The following TMEM63C variants were observed in gnomAD, a reference collection of about 807,000 sequenced individuals.
The protein encoded by TMEM63C is osmosensitive cation channel TMEM63C.
Under a neutral mutation model 99.2 loss-of-function variants are expected in TMEM63C, and 32 were observed. That is an observed-to-expected ratio of 0.32 (90% CI 0.24 to 0.43). TMEM63C has a LOEUF of 0.43. Ranked by LOEUF, TMEM63C falls within the 20% of genes least tolerant of loss-of-function variation. TMEM63C has a pLI of 1.00. For missense variants in TMEM63C, 826 were observed against 1,053.0 expected (o/e 0.78, Z 2.98); for synonymous variants, 376 against 397.9 (o/e 0.94, Z 0.66).
chr14:77,232,576 C>G (rs1315091118), intron 7 of TMEM63C, among the ~76,000 whole-genome samples: 1 of 152,222 alleles, frequency 6.6e-6, no homozygotes, highest in Non-Finnish European at 1.5e-5. Context: ...GCATGAGCCA[C>G]CGCACCTGGC....
chr14:77,228,155 A>G (rs1486123638), intron 6 of TMEM63C, among the ~76,000 whole-genome samples: 2 of 152,114 alleles, frequency 1.3e-5, no homozygotes, highest in Non-Finnish European at 2.9e-5. Flanking sequence ...GTGAGTAGGA[A>G]GAAGGGCGAT....
intron 1 of TMEM63C, among the ~76,000 whole-genome samples, chr14:77,208,002 A>G (rs778384790): frequency 2.0e-5 from 3 of 152,146 alleles, no homozygotes; most frequent in African/African-American, 4.8e-5. Flanking sequence ...CTCAGGCCCT[A>G]ACTTCACGGT....
intron 3 of TMEM63C, 59 bp from the exon 4 acceptor site, chr14:77,219,439 A>G: frequency 6.3e-7 from 1 of 1,582,642 alleles, no homozygotes; most frequent in Non-Finnish European, 8.7e-7. Context: ...GCAGGGGGCC[A>G]GCCAAGGGGA....
At chr14:77,255,520 T>C (rs1427855454) in intron 23 of TMEM63C, among the ~76,000 whole-genome samples, 1 of 152,230 alleles carries the variant, frequency 6.6e-6, no homozygotes, top group African/African-American at 2.4e-5. Context: ...TCCTGCAGAA[T>C]GTTCCACCTG....
intron 2 of TMEM63C, 76 bp from the exon 3 acceptor site, chr14:77,218,725 C>T: frequency 1.3e-6 from 2 of 1,498,466 alleles, no homozygotes; most frequent in Non-Finnish European, 1.8e-6. Context: ...CATCCCACAA[C>T]TCCCCATCGG....
chr14:77,239,663 G>A lies in TMEM63C; in HGVS notation c.867G>A (p.Val289=), dbSNP rs1455716249. ...YTAKAKKTGK[V]MIRIHPCARL... is the part of the protein sequence containing the mutation. Reference sequence around the variant, plus strand: ...CCAAGGCCAAGAAGACTGGGAAGGTGATGATCAGGATCCACCCCTGTGCCC... The same window carrying A: ...CCAAGGCCAAGAAGACTGGGAAGGTAATGATCAGGATCCACCCCTGTGCCC... Residue 289 remains valine, a synonymous_variant, in exon 12 of 24, where the codon GTG becomes GTA. Coordinates refer to ENST00000298351, the MANE Select transcript of TMEM63C (RefSeq NM_020431.4). 6.2e-7 allele frequency: 1 copy of A among 1,612,954 alleles called. No individual in the cohort carries two copies. Among genetic ancestry groups the A allele is most frequent in the South Asian group, 1.1e-5 (1 of 90,884 alleles).
rs574289980 is a variant in TMEM63C at position 77,251,701 on chromosome 14, G to A, written c.2039-88G>A. On this transcript the variant is annotated intron_variant, in intron 21 of 23. Coordinates refer to ENST00000298351, the MANE Select transcript of TMEM63C (RefSeq NM_020431.4). ...CTGGCAAGGTCAAAGCCCTTGCAGT[G>A]GTGCTGTGACGGTCCCTGGCATCTG... is the stretch of plus-strand genomic sequence containing the variant. The A allele has an allele frequency of 2.9e-5, 30 of 1,023,508 alleles. No homozygotes were observed. In the African/African-American group the frequency reaches 3.3e-4, roughly 11 times the overall value. The allele number at this position is 1,023,508 out of a possible 1,614,324, so 63.4% of individuals were successfully genotyped here.
At chr14:77,225,331 C>T in intron 5 of TMEM63C, 93 bp from the exon 6 acceptor site, 1 of 1,213,464 alleles carries the variant, frequency 8.2e-7, no homozygotes, top group Non-Finnish European at 1.2e-6. Context: ...GCTGCCGCGG[C>T]TGCCTCAGAT....
At position 77,253,651 on chromosome 14, in the gene TMEM63C, C is replaced by G. The variant is rs1889412128; in HGVS notation, c.2220+275C>G. Among the ~76,000 whole-genome samples, 4 of 152,310 alleles carry G rather than the reference C, an allele frequency of 2.6e-5. No individual in the cohort carries two copies. The South Asian group carries it at 8.3e-4, about 32-fold the overall frequency. ...AGAGGAAGTACTTGGTCAGGGAGGC[C>G]GAGACCACAGCGACCTCGGTCATGT... On this transcript the variant is annotated intron_variant, in intron 23 of 23. Transcript: ENST00000298351.
At chr14:77,223,017 G>A (rs28505186) in intron 5 of TMEM63C, among the ~76,000 whole-genome samples, 3 of 152,098 alleles carry the variant, frequency 2.0e-5, no homozygotes, top group Non-Finnish European at 4.4e-5. Flanking sequence ...AGTAAGCGGA[G>A]CCAAATTCCT....
intron 12 of TMEM63C, 37 bp downstream of exon 12, chr14:77,239,763 C>T (rs781600928): frequency 1.2e-5 from 19 of 1,605,356 alleles, no homozygotes; most frequent in Admixed American, 5.0e-5. Flanking sequence ...AGCAAGGGAG[C>T]GGTGGGGTCC....
At chr14:77,186,160 C>T (rs779412569) in intron 1 of TMEM63C, among the ~76,000 whole-genome samples, 11 of 151,926 alleles carry the variant, frequency 7.2e-5, no homozygotes, top group Non-Finnish European at 1.6e-4. Flanking sequence ...TACAGGCGTG[C>T]GCCAACACGT....
intron 1 of TMEM63C, among the ~76,000 whole-genome samples, chr14:77,194,056 AAAAC>A (rs1248462777): frequency 1.3e-5 from 2 of 152,230 alleles, no homozygotes; most frequent in Non-Finnish European, 2.9e-5. Flanking sequence ...ATGCTGTCTC[AAAAC>A]AAACAAACAA....
chr14:77,182,553 C>T (rs1257148427), intron 1 of TMEM63C, among the ~76,000 whole-genome samples: 1 of 152,128 alleles, frequency 6.6e-6, no homozygotes, highest in Non-Finnish European at 1.5e-5. Flanking sequence ...TGAGCAGGCC[C>T]TACAGAGCTG....
In TMEM63C at chr14:77,231,584, C is replaced by T; in HGVS notation, c.351-4C>T. On this transcript the variant is annotated splice_polypyrimidine_tract_variant and splice_region_variant and intron_variant, in intron 6 of 23. Transcript: ENST00000298351. ...GCACGTCCTTGTCTGTGTGTCTCTTCCAGGGACGAGGATCTGATTAACAAG... is the reference window on the plus strand; with the variant it reads ...GCACGTCCTTGTCTGTGTGTCTCTTTCAGGGACGAGGATCTGATTAACAAG... The T allele has an allele frequency of 6.4e-7, 1 of 1,551,602 alleles. No homozygotes were observed. The highest frequency in any genetic ancestry group is 8.7e-7 in the Non-Finnish European group (1 of 1,146,986).
chr14:77,190,611 T>C (rs1005112426), intron 1 of TMEM63C, among the ~76,000 whole-genome samples: 15 of 152,122 alleles, frequency 9.9e-5, no homozygotes, highest in African/African-American at 3.6e-4. Flanking sequence ...AATTCCATAG[T>C]AGAAAAACTA....
chr14:77,183,379 C>T lies in TMEM63C; in HGVS notation c.-77+1485C>T, dbSNP rs559142380. The stretch of plus-strand genomic sequence containing the variant: ...CAGGGAACAGCACCAGCATTTTCTC[C>T]TCCTTTAAGATATGTTTTCTAGTTT... On this transcript the variant is annotated intron_variant, in intron 1 of 23. Transcript: ENST00000298351. 5.3e-5 allele frequency among the ~76,000 whole-genome samples: 8 copies of T among 152,328 alleles called. No homozygotes were observed. In the East Asian group the frequency reaches 1.5e-3, roughly 29 times the overall value.
At chr14:77,247,803 C>T (rs914380609) in intron 18 of TMEM63C, among the ~76,000 whole-genome samples, 4 of 152,144 alleles carry the variant, frequency 2.6e-5, no homozygotes, top group African/African-American at 9.7e-5. Context: ...TGGGGTTTCA[C>T]CATGTTGGCT....
chr14:77,186,601 G>A (rs1887998192), intron 1 of TMEM63C, among the ~76,000 whole-genome samples: 1 of 152,124 alleles, frequency 6.6e-6, no homozygotes, highest in Admixed American at 6.5e-5. Flanking sequence ...TGAGGTGGGA[G>A]GATCACTTGA....
Sources: gnomAD v4.1 joint callset for allele counts (sites outside exome capture counted in the v4.1 genomes callset) on GRCh38, gnomAD v4.1.1 for gene constraint, MANE v1.5 for transcripts, NCBI Gene and HGNC (gene_info 2026-07-23, HGNC 2026-07-21) for gene names.